The following SPECC1 variants were observed in gnomAD, a reference collection of about 807,000 sequenced individuals.
The protein encoded by SPECC1 is cytospin-B.
A neutral mutation model predicts 104.1 loss-of-function variants in SPECC1; 62 were observed. The ratio of observed to expected loss-of-function variants is 0.60; its 90% CI spans 0.49 to 0.74. The LOEUF is 0.74. SPECC1 is among the 30% of genes least tolerant of loss of function. SPECC1 has a pLI of 0.00. For missense variants in SPECC1, 1,306 were observed against 1,310.5 expected (o/e 1.00, Z 0.05); for synonymous variants, 513 against 501.6 (o/e 1.02, Z -0.30).
intron 12 of SPECC1, among the ~76,000 whole-genome samples, chr17:20,281,020 T>C (rs1466158879): frequency 6.6e-6 from 1 of 152,154 alleles, no homozygotes; most frequent in Admixed American, 6.5e-5. Context: ...GGTCACAGTT[T>C]GGTTTGGTTT....
At chr17:20,208,618 G>A (rs1243722153) in intron 4 of SPECC1, among the ~76,000 whole-genome samples, 1 of 152,224 alleles carries the variant, frequency 6.6e-6, no homozygotes, top group African/African-American at 2.4e-5. Context: ...GAGCAATGAT[G>A]TGACCTTGGG....
At chr17:20,296,876 T>C in intron 12 of SPECC1, 85 bp from the exon 13 acceptor site, 1 of 1,276,302 alleles carries the variant, frequency 7.8e-7, no homozygotes, top group South Asian at 1.3e-5. Context: ...TTTGTGTAGA[T>C]TCCCATCTTA....
Position 20,260,235 on chromosome 17 carries a change from G to A in SPECC1, c.2881G>A (p.Gly961Ser), listed in dbSNP as rs749841113. The change falls in exon 12 of 15, where the codon GGT becomes AGT. Residue 961 changes from glycine to serine, a missense_variant. Physicochemically the swap from Gly to Ser is moderately conservative, Grantham distance 56. This residue lies in a region of SPECC1 where 129 missense variants were observed against 170.6 expected (regional missense o/e 0.76). Transcript: ENST00000395527. Reference protein sequence around the residue: ...DPLAALAREYGGSKRNALLKW... With the variant: ...DPLAALAREYSGSKRNALLKW... ...TCTGGCAGCCTTGGCCCGGGAATAC[G>A]GTGGTTCCAAGCGCAATGCTCTACT... is the stretch of plus-strand genomic sequence containing the variant. 15 of 1,613,874 alleles carry A rather than the reference G, an allele frequency of 9.3e-6. No individual in the cohort carries two copies. The South Asian group carries it at 9.9e-5, about 11-fold the overall frequency.
intron 3 of SPECC1, among the ~76,000 whole-genome samples, chr17:20,128,978 A>G (rs934058240): frequency 2.0e-5 from 3 of 151,412 alleles, no homozygotes; most frequent in African/African-American, 7.3e-5. Context: ...GTGCAGCCTC[A>G]AACTCCTGGC....
intron 1 of SPECC1, among the ~76,000 whole-genome samples, chr17:20,033,255 T>A (rs1436860933): frequency 6.6e-6 from 1 of 152,206 alleles, no homozygotes; most frequent in Admixed American, 6.5e-5. Flanking sequence ...TAAGCTACCA[T>A]GTCCGGCCTG....
intron 3 of SPECC1, among the ~76,000 whole-genome samples, chr17:20,194,205 G>T (rs1052781195): frequency 7.2e-5 from 11 of 152,140 alleles, no homozygotes; most frequent in Non-Finnish European, 1.3e-4. Context: ...TAAAAGCTGA[G>T]CCCCATCATG....
chr17:20,012,127 G>A (rs1482940548), intron 1 of SPECC1, among the ~76,000 whole-genome samples: 1 of 152,058 alleles, frequency 6.6e-6, no homozygotes, highest in East Asian at 1.9e-4. Context: ...GTAGCTGGAA[G>A]GTTTTTAGGA....
intron 3 of SPECC1, among the ~76,000 whole-genome samples, chr17:20,117,855 A>G (rs964574263): frequency 3.3e-5 from 5 of 152,104 alleles, no homozygotes; most frequent in African/African-American, 1.2e-4. Context: ...CTGTAATCCT[A>G]GCACCTTGGG....
At chr17:20,147,471 TTG>T (rs1053574922) in intron 3 of SPECC1, among the ~76,000 whole-genome samples, 4 of 152,146 alleles carry the variant, frequency 2.6e-5, no homozygotes, top group Non-Finnish European at 5.9e-5. Flanking sequence ...GATAATGGAA[TTG>T]TGTGTGTGTT....
chr17:20,073,790 C>G (rs899127469), intron 1 of SPECC1: 20 of 152,270 alleles, frequency 1.3e-4, no homozygotes, highest in African/African-American at 4.3e-4. Flanking sequence ...GGTACAATGT[C>G]TTACAGACCC....
chr17:20,082,219 C>T (rs2047002200), intron 1 of SPECC1, among the ~76,000 whole-genome samples: 1 of 152,148 alleles, frequency 6.6e-6, no homozygotes, highest in Admixed American at 6.5e-5. Context: ...TGTCAACCTC[C>T]TACCCATCCT....
intron 3 of SPECC1, among the ~76,000 whole-genome samples, chr17:20,113,724 T>C (rs1328274296): frequency 3.3e-5 from 5 of 152,212 alleles, no homozygotes; most frequent in Non-Finnish European, 7.3e-5. Context: ...ACAACACTTA[T>C]AAATGAGCAT....
intron 3 of SPECC1, among the ~76,000 whole-genome samples, chr17:20,165,052 A>G (rs547027322): frequency 6.6e-6 from 1 of 152,180 alleles, no homozygotes; most frequent in Non-Finnish European, 1.5e-5. Context: ...TAAAAAGTTA[A>G]ATTTATTTTA....
chr17:20,081,492 C>G (rs574751096), intron 1 of SPECC1, among the ~76,000 whole-genome samples: 1 of 152,106 alleles, frequency 6.6e-6, no homozygotes, highest in African/African-American at 2.4e-5. Context: ...TGGGAGGAAG[C>G]CTGCGTTTTA....
chr17:20,317,259 ATTTTT>A lies in SPECC1; in HGVS notation c.*3211_*3215del, dbSNP rs762643888. ...GCAAGACCTCTGACTCTATAAAAAAATTTTTTTTTTTTTTTTTTTTTGAGAGAGCG... is the reference window on the plus strand; with the variant it reads ...GCAAGACCTCTGACTCTATAAAAAAATTTTTTTTTTTTTTTTGAGAGAGCG... On this transcript the variant is annotated 3_prime_UTR_variant, in exon 15 of 15. Transcript: ENST00000395527. 7.2e-5 allele frequency: 5 copies of A among 69,676 alleles called. 1 individual carries two copies. The highest frequency in any genetic ancestry group is 2.3e-4 in the African/African-American group (3 of 12,858). 4.3% of individuals were successfully genotyped at this position (69,676 alleles called of 1,614,324 possible).
At chr17:20,193,409 C>T (rs1216763360) in intron 3 of SPECC1, among the ~76,000 whole-genome samples, 5 of 152,206 alleles carry the variant, frequency 3.3e-5, no homozygotes, top group Admixed American at 6.5e-5. Flanking sequence ...GTTCACATGC[C>T]TCTGACATTT....
At position 20,033,488 on chromosome 17, in the gene SPECC1, A is replaced by G. The variant is rs140178937; in HGVS notation, c.-22+24064A>G. ...TAAAGAAAAAAGGTTTATTGGGCTC[A>G]TGGTTTTGTAGGCTGTACAAGAAGC... On this transcript the variant is annotated intron_variant, in intron 1 of 14. Coordinates refer to ENST00000395527, the MANE Select transcript of SPECC1 (RefSeq NM_001243439.2). 5.4e-3 allele frequency among the ~76,000 whole-genome samples: 821 copies of G among 152,276 alleles called. 9 individuals carry two copies. The highest frequency in any genetic ancestry group is 0.019 in the African/African-American group (774 of 41,568).
intron 4 of SPECC1, among the ~76,000 whole-genome samples, chr17:20,213,323 TATG>T (rs1185174757): frequency 6.6e-6 from 1 of 152,146 alleles, no homozygotes; most frequent in African/African-American, 2.4e-5. Flanking sequence ...ATCTCAAACT[TATG>T]ATGATCCTCC....
At chr17:20,154,637 G>A (rs190608441) in intron 3 of SPECC1, among the ~76,000 whole-genome samples, 11 of 152,274 alleles carry the variant, frequency 7.2e-5, no homozygotes, top group Admixed American at 3.9e-4. Flanking sequence ...ACACTGGAGC[G>A]TTGCAAGTGG....
Sources: allele counts gnomAD v4.1 joint callset (sites outside exome capture counted in the v4.1 genomes callset), GRCh38; gene constraint gnomAD v4.1.1; regional missense constraint gnomAD v4.1.1; transcripts MANE v1.5; gene names NCBI Gene and HGNC (gene_info 2026-07-23, HGNC 2026-07-21).